The following GFOD1 variants were observed in gnomAD, a reference collection of about 807,000 sequenced individuals.
GFOD1 encodes glucose-fructose oxidoreductase domain-containing protein 1.
GFOD1 carries 9 observed loss-of-function variants against 25.4 expected under a neutral mutation model. That is an observed-to-expected ratio of 0.35 (90% CI 0.21 to 0.62). The LOEUF (loss-of-function observed/expected upper bound fraction) is 0.62. Among genes scored for constraint, GFOD1 ranks in the 20% least tolerant of loss-of-function variants. GFOD1 has a pLI of 0.72. For missense variants in GFOD1, 403 were observed against 556.9 expected (o/e 0.72, Z 2.78); for synonymous variants, 253 against 245.6 (o/e 1.03, Z -0.28).
At chr6:13,476,846 C>A (rs567132115) in intron 1 of GFOD1, among the ~76,000 whole-genome samples, 2 of 152,248 alleles carry the variant, frequency 1.3e-5, no homozygotes, top group South Asian at 4.2e-4. Context: ...AAAGTCTAAA[C>A]CCCAAGGCAT....
At chr6:13,436,945 T>C (rs1376916582) in intron 1 of GFOD1, among the ~76,000 whole-genome samples, 4 of 152,198 alleles carry the variant, frequency 2.6e-5, no homozygotes, top group African/African-American at 7.2e-5. Context: ...AGCCAGCTCA[T>C]ATGGACAGCC....
At chr6:13,461,588 C>T (rs893046027) in intron 1 of GFOD1, among the ~76,000 whole-genome samples, 2 of 152,152 alleles carry the variant, frequency 1.3e-5, no homozygotes, top group African/African-American at 2.4e-5. Flanking sequence ...CACCACTCTG[C>T]CCCCACATTG....
chr6:13,439,424 T>C (rs534480625), intron 1 of GFOD1, among the ~76,000 whole-genome samples: 1 of 152,336 alleles, frequency 6.6e-6, no homozygotes, highest in African/African-American at 2.4e-5. Flanking sequence ...AAGAATTGCA[T>C]TCCCTTGCCT....
At chr6:13,442,596 G>A (rs1211579239) in intron 1 of GFOD1, among the ~76,000 whole-genome samples, 1 of 152,130 alleles carries the variant, frequency 6.6e-6, no homozygotes, top group Non-Finnish European at 1.5e-5. Flanking sequence ...CAATGCAGCT[G>A]GTGACTTTAA....
chr6:13,410,009 T>TG (rs1554202029), intron 1 of GFOD1, among the ~76,000 whole-genome samples: 1 of 148,816 alleles, frequency 6.7e-6, no homozygotes, highest in Non-Finnish European at 1.5e-5. Context: ...TTTTTAGTTT[T>TG]TTTTTTTTTT....
At chr6:13,449,759 T>C (rs1468135509) in intron 1 of GFOD1, among the ~76,000 whole-genome samples, 1 of 152,184 alleles carries the variant, frequency 6.6e-6, no homozygotes, top group Non-Finnish European at 1.5e-5. Context: ...CCTTTTGCCG[T>C]CCACCATGAC....
chr6:13,411,332 G>C (rs141867619), intron 1 of GFOD1, among the ~76,000 whole-genome samples: 2,671 of 152,170 alleles, frequency 0.018, 88 homozygotes, highest in African/African-American at 0.058. Flanking sequence ...CACTCTGTCA[G>C]CCAGGCTGGA....
intron 1 of GFOD1, among the ~76,000 whole-genome samples, chr6:13,478,154 G>C (rs1431118411): frequency 6.6e-6 from 1 of 151,114 alleles, no homozygotes; most frequent in East Asian, 1.9e-4. Flanking sequence ...TTTTTGTTTT[G>C]AGACAGAGTT....
At chr6:13,368,909 A>G (rs1785097854) in intron 1 of GFOD1, among the ~76,000 whole-genome samples, 2 of 152,206 alleles carry the variant, frequency 1.3e-5, no homozygotes, top group Admixed American at 6.5e-5. Context: ...TGAGACTCAC[A>G]TGTGGATTCC....
chr6:13,482,217 T>C lies in GFOD1; in HGVS notation c.253+4421A>G, dbSNP rs193118492. Among the ~76,000 whole-genome samples the C allele has an allele frequency of 2.3e-3, 343 of 148,676 alleles. 3 individuals carry two copies. The highest frequency in any genetic ancestry group is 7.1e-3 in the African/African-American group (292 of 40,944). On this transcript the variant is annotated intron_variant, in intron 1 of 1. Coordinates refer to ENST00000379287, the MANE Select transcript of GFOD1 (RefSeq NM_018988.4). Reference sequence around the variant, plus strand: ...GTATATGTAAAGATATAAATATACATAAATTTAATAATGCATATTAACTGA... The same window carrying C: ...GTATATGTAAAGATATAAATATACACAAATTTAATAATGCATATTAACTGA...
chr6:13,482,188 T>C (rs2127579865), intron 1 of GFOD1, among the ~76,000 whole-genome samples: 1 of 148,740 alleles, frequency 6.7e-6, no homozygotes, highest in South Asian at 2.1e-4. Context: ...TATATGTATA[T>C]GCTGTATATG....
intron 1 of GFOD1, 60 bp downstream of exon 1, chr6:13,486,578 A>T: frequency 7.1e-7 from 1 of 1,406,380 alleles, no homozygotes; most frequent in Non-Finnish European, 9.9e-7. Flanking sequence ...GGGGGGAAGG[A>T]ACCTAGAGAA....
At chr6:13,438,701 A>G (rs996624705) in intron 1 of GFOD1, among the ~76,000 whole-genome samples, 8 of 152,194 alleles carry the variant, frequency 5.3e-5, no homozygotes, top group Non-Finnish European at 1.2e-4. Flanking sequence ...TTTTATAGAT[A>G]AAGAAACCAA....
rs1357495773 is a variant in GFOD1, at chr6:13,466,159, G to C, written c.253+20479C>G. 5.3e-5 allele frequency among the ~76,000 whole-genome samples: 8 copies of C among 152,148 alleles called. No individual in the cohort carries two copies. The East Asian group carries it at 1.5e-3, about 29-fold the overall frequency. ...GTCTCCACTGGCTCCTTCATTCTCT[G>C]CTAATCCTGGGATGCTTTGGTTATG... On this transcript the variant is annotated intron_variant, in intron 1 of 1. Transcript: ENST00000379287.
At position 13,409,140 on chromosome 6, in the gene GFOD1, A is replaced by AGAG. The variant is rs1562209392; in HGVS notation, c.254-43479_254-43478insCTC. 6.6e-3 allele frequency among the ~76,000 whole-genome samples: 326 copies of AGAG among 49,076 alleles called. 18 individuals carry two copies. The highest frequency in any genetic ancestry group is 0.012 in the Non-Finnish European group (219 of 18,306). 32.2% of individuals were successfully genotyped at this position (49,076 alleles called of 152,430 possible). A position where few individuals can be genotyped will look rare whatever the true frequency, so the allele number is the denominator to read the frequency against. On this transcript the variant is annotated intron_variant, in intron 1 of 1. Coordinates refer to ENST00000379287, the MANE Select transcript of GFOD1 (RefSeq NM_018988.4). The stretch of plus-strand genomic sequence containing the variant: ...AAGAAAGAAAGAAAGAAAGAAAGAA[A>AGAG]GAAAGAAAGAGAGGAAAGAAAGAAA...
At chr6:13,374,273 TTGTGTGTGTG>T (rs567594703) in intron 1 of GFOD1, among the ~76,000 whole-genome samples, 4 of 134,388 alleles carry the variant, frequency 3.0e-5, no homozygotes, top group Admixed American at 7.6e-5. Flanking sequence ...TGTTTTTTTT[TTGTGTGTGTG>T]TGTGTGTGTG....
intron 1 of GFOD1, 166 bp downstream of exon 1, chr6:13,486,472 G>T: frequency 3.1e-6 from 2 of 653,102 alleles, no homozygotes; most frequent in Non-Finnish European, 5.2e-6. Context: ...GGCCGGGGAC[G>T]AGGAAGGAGG....
chr6:13,417,981 T>C (rs996292470), intron 1 of GFOD1, among the ~76,000 whole-genome samples: 7 of 152,120 alleles, frequency 4.6e-5, no homozygotes, highest in Non-Finnish European at 8.8e-5. Context: ...TATGCAACAG[T>C]CCAAGTGAGA....
chr6:13,377,183 C>T (rs2127557681), intron 1 of GFOD1, among the ~76,000 whole-genome samples: 1 of 152,224 alleles, frequency 6.6e-6, no homozygotes, highest in South Asian at 2.1e-4. Flanking sequence ...GCATGTACAT[C>T]TCCAGTATAC....
Sources: allele counts gnomAD v4.1 joint callset (sites outside exome capture counted in the v4.1 genomes callset), GRCh38; gene constraint gnomAD v4.1.1; transcripts MANE v1.5; gene names NCBI Gene and HGNC (gene_info 2026-07-23, HGNC 2026-07-21).